The following AGBL1 variants were observed in gnomAD, a reference collection of about 807,000 sequenced individuals.
AGBL1 encodes the protein AGBL carboxypeptidase 1, also known as cytosolic carboxypeptidase 4.
A neutral mutation model predicts 118.9 loss-of-function variants in AGBL1; 130 were observed. The ratio of observed to expected loss-of-function variants is 1.09; its 90% CI spans 0.95 to 1.26. AGBL1 has a LOEUF of 1.26. Ranked by LOEUF, AGBL1 falls within the 50% of genes most tolerant of loss-of-function variation. The pLI is 0.00. For missense variants in AGBL1, 1,584 were observed against 1,298.1 expected, an observed-to-expected ratio of 1.22 and a Z score of -3.38; for synonymous variants, 555 against 478.9, an observed-to-expected ratio of 1.16 and a Z score of -2.08.
chr15:86,211,315 G>T (rs2078093775), intron 5 of AGBL1, among the ~76,000 whole-genome samples: 1 of 152,238 alleles, frequency 6.6e-6, no homozygotes, highest in Admixed American at 6.5e-5. Flanking sequence ...TGAGGAGGCA[G>T]TTTGTCCATT....
At chr15:86,314,565 T>A (rs976470157) in intron 17 of AGBL1, among the ~76,000 whole-genome samples, 1 of 152,152 alleles carries the variant, frequency 6.6e-6, no homozygotes, top group Non-Finnish European at 1.5e-5. Flanking sequence ...GCACAGACAT[T>A]TCTGTAGGAC....
At chr15:86,395,184 A>G (rs2081345559) in intron 17 of AGBL1, among the ~76,000 whole-genome samples, 1 of 152,078 alleles carries the variant, frequency 6.6e-6, no homozygotes, top group Non-Finnish European at 1.5e-5. Context: ...ATAAGAAAGG[A>G]TCTTACCAGT....
chr15:86,629,710 A>T (rs2084936690), intron 21 of AGBL1, among the ~76,000 whole-genome samples: 1 of 152,090 alleles, frequency 6.6e-6, no homozygotes, highest in Admixed American at 6.5e-5. Context: ...GAATAAATCT[A>T]GGCAGCATTG....
At chr15:86,221,415 C>T (rs116614744) in intron 5 of AGBL1, among the ~76,000 whole-genome samples, 4 of 152,270 alleles carry the variant, frequency 2.6e-5, no homozygotes, top group African/African-American at 9.6e-5. Context: ...GTTTTAGCAG[C>T]TTAAGCTTTT....
At chr15:86,223,055 C>A (rs1406839340) in intron 5 of AGBL1, among the ~76,000 whole-genome samples, 3 of 152,154 alleles carry the variant, frequency 2.0e-5, no homozygotes, top group Admixed American at 6.6e-5. Flanking sequence ...CTTTGAGTAG[C>A]AAGATTCAAA....
intron 18 of AGBL1, among the ~76,000 whole-genome samples, chr15:86,453,175 A>C (rs1472982146): frequency 2.6e-5 from 4 of 152,170 alleles, no homozygotes; most frequent in Non-Finnish European, 1.5e-5. Context: ...CACAGTAGGC[A>C]CTCAATTACT....
chr15:86,669,852 G>A (rs1262925331), intron 21 of AGBL1, among the ~76,000 whole-genome samples: 1 of 152,118 alleles, frequency 6.6e-6, no homozygotes, highest in Non-Finnish European at 1.5e-5. Flanking sequence ...GGAGGGGAGT[G>A]GGGTCTGAGG....
chr15:86,572,855 C>T (rs1457589939), intron 21 of AGBL1, among the ~76,000 whole-genome samples: 2 of 152,208 alleles, frequency 1.3e-5, no homozygotes, highest in Admixed American at 1.3e-4. Flanking sequence ...CTGTGACTGC[C>T]CTGTATTATT....
chr15:86,312,711 G>A (rs997429865), intron 17 of AGBL1, among the ~76,000 whole-genome samples: 1 of 152,144 alleles, frequency 6.6e-6, no homozygotes, highest in African/African-American at 2.4e-5. Context: ...TACAGGGCAA[G>A]GGCATTCTCA....
In AGBL1 at chr15:86,143,779, A is replaced by G. The variant is rs1597451979; in HGVS notation, c.196A>G (p.Thr66Ala). ...LLQTLVDTAR[T>A]APPDYDILLP... is the part of the protein sequence containing the mutation. Reference sequence around the variant, plus strand: ...GCAGACCCTGGTAGACACAGCGAGGACAGCTCCTCCAGACTATGACATCCT... The same window carrying G: ...GCAGACCCTGGTAGACACAGCGAGGGCAGCTCCTCCAGACTATGACATCCT... The change falls in exon 3 of 23, where the codon ACA becomes GCA. Residue 66 changes from threonine (T) to alanine (A), a missense_variant. Transcript: ENST00000614907. 1 of 1,613,922 alleles carries G rather than the reference A, an allele frequency of 6.2e-7. No homozygotes were observed. The highest frequency in any genetic ancestry group is 1.7e-4 in the Middle Eastern group (1 of 6,060).
At chr15:86,423,871 G>A (rs1184401978) in intron 18 of AGBL1, among the ~76,000 whole-genome samples, 2 of 152,010 alleles carry the variant, frequency 1.3e-5, no homozygotes, top group Non-Finnish European at 2.9e-5. Flanking sequence ...CACTGCTCAA[G>A]GAAATAAGAG....
intron 4 of AGBL1, among the ~76,000 whole-genome samples, chr15:86,158,025 G>C (rs1227764948): frequency 6.6e-6 from 1 of 152,138 alleles, no homozygotes; most frequent in Non-Finnish European, 1.5e-5. Context: ...TCTCTAGTCT[G>C]TTTTCCCAAT....
chr15:86,870,429 G>A lies in AGBL1; in HGVS notation c.3159-36658G>A, dbSNP rs2079704487. On this transcript the variant is annotated intron_variant, in intron 22 of 22. Transcript: ENST00000614907. ...GAATCCATAGCCTGCATCCAACTGT[G>A]GCAAGAAAAAAGTAAAGCATACTGC... Among the ~76,000 whole-genome samples, 3 of 94,230 alleles carry A rather than the reference G, an allele frequency of 3.2e-5. No homozygotes were observed. The Admixed American group carries it at 4.4e-4, about 14-fold the overall frequency. The allele number at this position is 94,230 out of a possible 152,430, so 61.8% of individuals were successfully genotyped here.
chr15:86,572,502 AG>A (rs2084024556), intron 21 of AGBL1, among the ~76,000 whole-genome samples: 1 of 152,146 alleles, frequency 6.6e-6, no homozygotes, highest in Non-Finnish European at 1.5e-5. Context: ...GGCAGGCTCC[AG>A]GAGGCTCCCA....
At chr15:86,278,010 C>A (rs143525636) in intron 15 of AGBL1, among the ~76,000 whole-genome samples, 2 of 152,292 alleles carry the variant, frequency 1.3e-5, no homozygotes, top group African/African-American at 2.4e-5. Context: ...TGCACGGAGG[C>A]TTTACAAGGG....
chr15:86,466,535 C>A (rs1448776667), intron 18 of AGBL1, among the ~76,000 whole-genome samples: 1 of 152,212 alleles, frequency 6.6e-6, no homozygotes. Flanking sequence ...TGTTCCCTTG[C>A]TGGCAAGGAG....
intron 17 of AGBL1, among the ~76,000 whole-genome samples, chr15:86,322,802 C>CT (rs1332291833): frequency 6.6e-6 from 1 of 152,160 alleles, no homozygotes; most frequent in Non-Finnish European, 1.5e-5. Context: ...TGAAAACCAG[C>CT]TTGGGGATAT....
intron 18 of AGBL1, among the ~76,000 whole-genome samples, chr15:86,488,365 C>T (rs1452582455): frequency 1.3e-5 from 2 of 151,742 alleles, no homozygotes; most frequent in African/African-American, 4.8e-5. Context: ...AGTCCAGTTC[C>T]AGCTCCCAAA....
rs76178065 is a variant in AGBL1 at position 86,417,624 on chromosome 15, C to G, written c.2555+20078C>G. 9.2e-4 allele frequency among the ~76,000 whole-genome samples: 140 copies of G among 152,252 alleles called. No homozygotes were observed. In the East Asian group the frequency reaches 0.023, roughly 25 times the overall value. On this transcript the variant is annotated intron_variant, in intron 18 of 22. Transcript: ENST00000614907. ...ATACAGATGCCCAGAGAAAGGGGAC[C>G]TAATTTGGTCCTGAGGTCTGGGACA... is the stretch of plus-strand genomic sequence containing the variant.
Sources: gnomAD v4.1 joint callset for allele counts (sites outside exome capture counted in the v4.1 genomes callset) on GRCh38, gnomAD v4.1.1 for gene constraint, MANE v1.5 for transcripts, NCBI Gene and HGNC (gene_info 2026-07-23, HGNC 2026-07-21) for gene names.